Variants in ITPR3 observed in about 807,000 individuals in gnomAD.
ITPR3 encodes the protein inositol 1,4,5-trisphosphate-gated calcium channel ITPR3.
In ITPR3, 173 loss-of-function variants were observed where a neutral mutation model predicts 293.2. The observed-to-expected ratio is 0.59, with a 90% CI of 0.52 to 0.67. The LOEUF (loss-of-function observed/expected upper bound fraction) is 0.67, where lower values mean the gene tolerates loss of function less well. ITPR3 is among the 30% of genes least tolerant of loss of function. The pLI is 0.00. For missense variants in ITPR3, 2,796 were observed against 3,592.1 expected (o/e 0.78, Z 5.66); for synonymous variants, 1,295 against 1,444.4 (o/e 0.90, Z 2.35).
intron 9 of ITPR3, among the ~76,000 whole-genome samples, chr6:33,663,243 T>G (rs1764521329): frequency 6.6e-6 from 1 of 151,070 alleles, no homozygotes; most frequent in South Asian, 2.1e-4. Context: ...GGATACAAAG[T>G]GAGCAAAATT....
At position 33,675,277 on chromosome 6, in the gene ITPR3, C is replaced by A. The variant is rs1244817859; in HGVS notation, c.3117-414C>A. On this transcript the variant is annotated intron_variant, in intron 24 of 57. Coordinates refer to ENST00000605930, the MANE Select transcript of ITPR3 (RefSeq NM_002224.4). This position sits in a 1 kb window ranked among gnomAD's most constrained non-coding sequence, Gnocchi z 5.0. ...TCTCTACTAAAAATACAAAAATTAG[C>A]CGGGTGTGTTGGCACACACTGGTAA... Among the ~76,000 whole-genome samples, 1 of 152,042 alleles carries A rather than the reference C, an allele frequency of 6.6e-6. No individual in the cohort carries two copies. The highest frequency in any genetic ancestry group is 1.9e-4 in the East Asian group (1 of 5,180).
At position 33,679,549 on chromosome 6, in the gene ITPR3, G is replaced by C. The variant is rs1765010828; in HGVS notation, c.3973-333G>C. Among the ~76,000 whole-genome samples the C allele has an allele frequency of 6.6e-6, 1 of 152,222 alleles. No homozygotes were observed. Among genetic ancestry groups the C allele is most frequent in the Non-Finnish European group, 1.5e-5 (1 of 68,040 alleles). On this transcript the variant is annotated intron_variant, in intron 30 of 57. Coordinates refer to ENST00000605930, the MANE Select transcript of ITPR3 (RefSeq NM_002224.4). This position sits in a 1 kb window ranked among gnomAD's most constrained non-coding sequence, Gnocchi z 4.2. Reference sequence around the variant, plus strand: ...TGTGTGCTCAGTGAGGAGGGTTTAAGTAACTGCTGCGGGAGCACAGGGGAG... The same window carrying C: ...TGTGTGCTCAGTGAGGAGGGTTTAACTAACTGCTGCGGGAGCACAGGGGAG...
intron 1 of ITPR3, among the ~76,000 whole-genome samples, chr6:33,631,207 G>A (rs1157892475): frequency 6.6e-6 from 1 of 152,242 alleles, no homozygotes; most frequent in African/African-American, 2.4e-5. Context: ...GTGCGGAGAT[G>A]AGAGATTGTA....
Position 33,687,582 on chromosome 6 carries a change from G to C in ITPR3, c.6264+18G>C, listed in dbSNP as rs753265866. On this transcript the variant is annotated intron_variant, in intron 46 of 57. Coordinates refer to ENST00000605930, the MANE Select transcript of ITPR3 (RefSeq NM_002224.4). This position sits in a 1 kb window ranked among gnomAD's most constrained non-coding sequence, Gnocchi z 5.3. ...CTTCCATGGTGGGTGCTGGCCCCGAGACTGGGGTGGGGGTGGGGCCTGGAA... is the reference window on the plus strand; with the variant it reads ...CTTCCATGGTGGGTGCTGGCCCCGACACTGGGGTGGGGGTGGGGCCTGGAA... The C allele has an allele frequency of 5.0e-6, 8 of 1,592,548 alleles. No homozygotes were observed. The East Asian group carries it at 1.8e-4, about 36-fold the overall frequency.
rs1234502778 is a variant in ITPR3, at chr6:33,677,498, C to T, written c.3523-6C>T. ...AGGGGCTCTGGCTCACCCGCCTCCC[C>T]TGCAGATCCTGGAAAGGCTGAACAA... On this transcript the variant is annotated splice_polypyrimidine_tract_variant and splice_region_variant and intron_variant, in intron 27 of 57. Coordinates refer to ENST00000605930, the MANE Select transcript of ITPR3 (RefSeq NM_002224.4). The T allele has an allele frequency of 5.6e-6, 9 of 1,613,710 alleles. No homozygotes were observed. Among genetic ancestry groups the T allele is most frequent in the Non-Finnish European group, 7.6e-6 (9 of 1,179,850 alleles).
chr6:33,659,154 G>A, intron 6 of ITPR3, 35 bp downstream of exon 6: 1 of 1,582,408 alleles, frequency 6.3e-7, no homozygotes, highest in Non-Finnish European at 8.7e-7. Context: ...GCAGTGCAGG[G>A]ACGTCCACAC....
At chr6:33,625,456 C>T (rs1263412085) in intron 1 of ITPR3, among the ~76,000 whole-genome samples, 2 of 152,058 alleles carry the variant, frequency 1.3e-5, no homozygotes, top group African/African-American at 2.4e-5. Flanking sequence ...CTCAAACTCC[C>T]GACCTCAGAT....
chr6:33,688,176 G>T lies in ITPR3; in HGVS notation c.6375+9G>T. 4 of 1,614,052 alleles carry T rather than the reference G, an allele frequency of 2.5e-6. No homozygotes were observed. The highest frequency in any genetic ancestry group is 3.4e-6 in the Non-Finnish European group (4 of 1,179,980). On this transcript the variant is annotated intron_variant, in intron 47 of 57. Coordinates refer to ENST00000605930, the MANE Select transcript of ITPR3 (RefSeq NM_002224.4). ...ACACGTCCCAGATCGAGGTGGGCCT[G>T]TGGGCAGCAGGGGCGGGCGTGGGAG...
intron 3 of ITPR3, among the ~76,000 whole-genome samples, chr6:33,656,966 G>A (rs1429386270): frequency 6.6e-6 from 1 of 152,228 alleles, no homozygotes; most frequent in Non-Finnish European, 1.5e-5. Flanking sequence ...AATGGGGGCT[G>A]CAACAGGCTT....
Position 33,688,702 on chromosome 6 carries a change from C to T in ITPR3, c.6615C>T (p.Gly2205=), listed in dbSNP as rs1765306581. ...YWFSRRMTLW[G]SISFNLAVFI... ...TCTCCCGCCGCATGACCCTGTGGGG[C>T]AGCATCTCCTTCAACCTGGCCGTGT... Residue 2205 remains glycine, a synonymous_variant, in exon 49 of 58, where the codon GGC becomes GGT. Transcript: ENST00000605930. 6.2e-7 allele frequency: 1 copy of T among 1,614,232 alleles called. No individual in the cohort carries two copies. Among genetic ancestry groups the T allele is most frequent in the East Asian group, 2.2e-5 (1 of 44,880 alleles).
chr6:33,654,263 G>A lies in ITPR3; in HGVS notation c.161-1503G>A, dbSNP rs1043486783. On this transcript the variant is annotated intron_variant, in intron 2 of 57. Coordinates refer to ENST00000605930, the MANE Select transcript of ITPR3 (RefSeq NM_002224.4). This position sits in a 1 kb window ranked among gnomAD's most constrained non-coding sequence, Gnocchi z 4.1. ...AGCCTGAGCTACAGAGTGAGACCGT[G>A]TCTCAAAAAAAATAAGAAAAATAAA... is the stretch of plus-strand genomic sequence containing the variant. Among the ~76,000 whole-genome samples the A allele has an allele frequency of 1.2e-4, 18 of 151,750 alleles. No homozygotes were observed. The highest frequency in any genetic ancestry group is 2.6e-4 in the Admixed American group (4 of 15,244).
At position 33,680,289 on chromosome 6, in the gene ITPR3, C is replaced by T. The variant is rs189898545; in HGVS notation, c.4225-40C>T. ...TTGTGGCAGGGAGAGCCTGGCCAGG[C>T]GGCCCTGCTTGCGCCCCTGACCTCC... On this transcript the variant is annotated intron_variant, in intron 31 of 57. Coordinates refer to ENST00000605930, the MANE Select transcript of ITPR3 (RefSeq NM_002224.4). 831 of 1,590,512 alleles carry T rather than the reference C, an allele frequency of 5.2e-4. 11 individuals carry two copies. The Admixed American group carries it at 0.013, about 24-fold the overall frequency.
chr6:33,626,999 G>T (rs1561847198), intron 1 of ITPR3, among the ~76,000 whole-genome samples: 1 of 152,104 alleles, frequency 6.6e-6, no homozygotes, highest in Non-Finnish European at 1.5e-5. Flanking sequence ...GTAGAGATGG[G>T]GTTTCTCCAT....
rs1264323358 is a variant in ITPR3 at position 33,658,117 on chromosome 6, A to G, written c.369+99A>G. The G allele has an allele frequency of 9.8e-7, 1 of 1,017,024 alleles. No individual in the cohort carries two copies. The highest frequency in any genetic ancestry group is 2.0e-5 in the Admixed American group (1 of 50,842). 63.0% of individuals were successfully genotyped at this position (1,017,024 alleles called of 1,614,324 possible). A position where few individuals can be genotyped will look rare whatever the true frequency, so the allele number is the denominator to read the frequency against. On this transcript the variant is annotated intron_variant, in intron 4 of 57. Transcript: ENST00000605930. This position sits in a 1 kb window ranked among gnomAD's most constrained non-coding sequence, Gnocchi z 6.1. ...TGCCAGCAGGCATTGCCCTCTGTGCATGTGTGTCCCCGGGTGAATGAGTGG... is the reference window on the plus strand; with the variant it reads ...TGCCAGCAGGCATTGCCCTCTGTGCGTGTGTGTCCCCGGGTGAATGAGTGG...
chr6:33,643,706 A>AC (rs1281609444), intron 2 of ITPR3, among the ~76,000 whole-genome samples: 33 of 151,804 alleles, frequency 2.2e-4, no homozygotes, highest in African/African-American at 5.8e-4. Flanking sequence ...CAGAGCCTGC[A>AC]CCCCCAGCCC....
Position 33,658,146 on chromosome 6 carries a change from TG to T in ITPR3, c.369+132del. On this transcript the variant is annotated intron_variant, in intron 4 of 57. Coordinates refer to ENST00000605930, the MANE Select transcript of ITPR3 (RefSeq NM_002224.4). This position sits in a 1 kb window ranked among gnomAD's most constrained non-coding sequence, Gnocchi z 6.1. Reference sequence around the variant, plus strand: ...GTGTCCCCGGGTGAATGAGTGGCCCTGGGGCCACCTGTGTGGCTGTGCGTCT... The same window carrying T: ...GTGTCCCCGGGTGAATGAGTGGCCCTGGGCCACCTGTGTGGCTGTGCGTCT... 1.3e-6 allele frequency: 1 copy of T among 753,216 alleles called. No individual in the cohort carries two copies. Among genetic ancestry groups the T allele is most frequent in the East Asian group, 2.8e-5 (1 of 36,292 alleles). The allele number at this position is 753,216 out of a possible 1,614,324, so 46.7% of individuals were successfully genotyped here.
chr6:33,669,124 C>G lies in ITPR3; in HGVS notation c.2157C>G (p.Asn719Lys). 1 of 1,614,092 alleles carries G rather than the reference C, an allele frequency of 6.2e-7. No individual in the cohort carries two copies. Among genetic ancestry groups the G allele is most frequent in the Non-Finnish European group, 8.5e-7 (1 of 1,179,994 alleles). The change falls in exon 18 of 58, where the codon AAC becomes AAG. Residue 719 changes from asparagine (N) to lysine (K), a missense_variant. Asn to Lys is a moderately conservative substitution (Grantham distance 94, BLOSUM62 0). Around this residue, in one of 8 missense-constraint regions of ITPR3, gnomAD observed 955 missense variants for 1,180.8 expected, o/e 0.81. Transcript: ENST00000605930. Reference sequence around the variant, plus strand: ...TGGCCCAGGAGGCGCGGGCCGGCAACGCCCACGACGAGAATGTGCTCAGCT... The same window carrying G: ...TGGCCCAGGAGGCGCGGGCCGGCAAGGCCCACGACGAGAATGTGCTCAGCT... ...RQLAQEARAGNAHDENVLSYY... is the reference protein window; with the variant it reads ...RQLAQEARAGKAHDENVLSYY...
intron 43 of ITPR3, 74 bp from the exon 44 acceptor site, chr6:33,686,930 TGGAGA>T: frequency 9.0e-7 from 1 of 1,109,320 alleles, no homozygotes; most frequent in Non-Finnish European, 1.4e-6. Flanking sequence ...AGAGCTGTTA[TGGAGA>T]GGAATGAGGG....
chr6:33,678,631 C>A lies in ITPR3; in HGVS notation c.3772-8C>A, dbSNP rs772074334. 6 of 1,610,334 alleles carry A rather than the reference C, an allele frequency of 3.7e-6. No individual in the cohort carries two copies. Among genetic ancestry groups the A allele is most frequent in the Non-Finnish European group, 5.1e-6 (6 of 1,178,782 alleles). On this transcript the variant is annotated splice_polypyrimidine_tract_variant and splice_region_variant and intron_variant, in intron 29 of 57. Coordinates refer to ENST00000605930, the MANE Select transcript of ITPR3 (RefSeq NM_002224.4). ...AGATCTCTTTCTGACAGATGCCCCC[C>A]ACTGCAGCTCCTGGAGGCAGAGACC...
Sources: allele counts gnomAD v4.1 joint callset (sites outside exome capture counted in the v4.1 genomes callset), GRCh38; gene constraint gnomAD v4.1.1; regional missense constraint gnomAD v4.1.1; non-coding constraint Gnocchi (gnomAD v3.1); transcripts MANE v1.5; gene names NCBI Gene and HGNC (gene_info 2026-07-23, HGNC 2026-07-21).